Variants in TPR observed in about 807,000 individuals in gnomAD.
The protein encoded by TPR is nucleoprotein TPR.
A neutral mutation model predicts 316.1 loss-of-function variants in TPR; 51 were observed. The observed-to-expected ratio is 0.16, with a 90% CI of 0.13 to 0.20. The LOEUF (loss-of-function observed/expected upper bound fraction) is 0.20. Ranked by LOEUF, TPR falls within the 10% of genes least tolerant of loss-of-function variation. TPR has a pLI of 1.00. For synonymous variants in TPR, 981 were observed against 914.7 expected, an observed-to-expected ratio of 1.07 and a Z score of -1.31; for missense variants, 2,272 against 2,754.8, an observed-to-expected ratio of 0.82 and a Z score of 3.92.
rs761933423 is a variant in TPR at position 186,375,053 on chromosome 1, G to A, written c.-25C>T. ...TGTCGGTGGGGCCAGGGACCCCAGT[G>A]GCAGCGGCCGACGGGGTAGAAGCGG... is the stretch of plus-strand genomic sequence containing the variant. On this transcript the variant is annotated 5_prime_UTR_variant, in exon 1 of 51. Coordinates refer to ENST00000367478, the MANE Select transcript of TPR (RefSeq NM_003292.3). The A allele has an allele frequency of 2.5e-6, 4 of 1,613,612 alleles. No individual in the cohort carries two copies. In the African/African-American group the frequency reaches 5.3e-5, roughly 22 times the overall value.
Position 186,332,135 on chromosome 1 carries a change from G to A in TPR, c.5604+60C>T. 3.9e-6 allele frequency: 6 copies of A among 1,522,032 alleles called. No individual in the cohort carries two copies. In the South Asian group the frequency reaches 6.7e-5, roughly 17 times the overall value. The allele number at this position is 1,522,032 out of a possible 1,614,324, so 94.3% of individuals were successfully genotyped here. The stretch of plus-strand genomic sequence containing the variant: ...GGTTAATTTTCTTTAGGCTGTAGCT[G>A]AAAAGAGTACCTTAACTCTACTGGT... On this transcript the variant is annotated intron_variant, in intron 38 of 50. Coordinates refer to ENST00000367478, the MANE Select transcript of TPR (RefSeq NM_003292.3).
intron 36 of TPR, among the ~76,000 whole-genome samples, chr1:186,333,727 CAG>C (rs1214708570): frequency 6.6e-6 from 1 of 152,022 alleles, no homozygotes; most frequent in Non-Finnish European, 1.5e-5. Context: ...ATTGATATAA[CAG>C]ATAGTAAATT....
At position 186,333,362 on chromosome 1, in the gene TPR, G is replaced by A; in HGVS notation, c.5215C>T (p.Pro1739Ser). 14 of 1,613,430 alleles carry A rather than the reference G, an allele frequency of 8.7e-6. No individual in the cohort carries two copies. The highest frequency in any genetic ancestry group is 1.2e-5 in the Non-Finnish European group (14 of 1,179,590). Residue 1739 changes from proline to serine, a missense_variant, in exon 37 of 51, where the codon CCA becomes TCA. Pro to Ser is a moderately conservative substitution (Grantham distance 74, BLOSUM62 -1). Coordinates refer to ENST00000367478, the MANE Select transcript of TPR (RefSeq NM_003292.3). The stretch of plus-strand genomic sequence containing the variant: ...GATCCACTTGTGCTTCCAAAAACTG[G>A]AACATGTTCCACAGGCCCTTCTGAC... ...MQSEGPVEHV[P>S]VFGSTSGSVR... is the part of the protein sequence containing the mutation.
At chr1:186,322,830 T>C (rs1657809109) in intron 43 of TPR, 2 of 467,266 alleles carry the variant, frequency 4.3e-6, no homozygotes, top group South Asian at 2.6e-5. Flanking sequence ...TATTAACCAA[T>C]ACTTAAAACA....
rs556789304 is a variant in TPR, at chr1:186,346,272, G to A, written c.2959C>T (p.Arg987Cys). ...NKEKQVTEEV[R>C]KNIEVRLKES... Reference sequence around the variant, plus strand: ...TTTAAACGAACTTCAATATTCTTACGCACTTCTTCTGTCACCTTTACCATA... The same window carrying A: ...TTTAAACGAACTTCAATATTCTTACACACTTCTTCTGTCACCTTTACCATA... Residue 987 changes from arginine to cysteine, a missense_variant, in exon 23 of 51, where the codon CGT becomes TGT. By Grantham distance (180) the Arg-to-Cys change is radical. This residue lies in a region of TPR where 757 missense variants were observed against 859.8 expected (regional missense o/e 0.88). Coordinates refer to ENST00000367478, the MANE Select transcript of TPR (RefSeq NM_003292.3). The A allele has an allele frequency of 2.2e-5, 35 of 1,611,304 alleles. No homozygotes were observed. The highest frequency in any genetic ancestry group is 1.7e-4 in the Middle Eastern group (1 of 6,048).
intron 45 of TPR, among the ~76,000 whole-genome samples, chr1:186,321,175 G>A (rs964012045): frequency 6.6e-6 from 1 of 152,196 alleles, no homozygotes; most frequent in African/African-American, 2.4e-5. Flanking sequence ...GAAGGAAGGA[G>A]CTGAAATTGA....
rs1658716229 is a variant in TPR, at chr1:186,347,436, A to G, written c.2799T>C (p.Asp933=). The change falls in exon 22 of 51, where the codon GAT becomes GAC. Residue 933 remains aspartate, a synonymous_variant. Coordinates refer to ENST00000367478, the MANE Select transcript of TPR (RefSeq NM_003292.3). ...TGKGQPSNKE[D]VDDLVSQLRQ... ...TTAGCTGACTCACAAGATCATCCAC[A>G]TCTTCTTTGTTGCTAGGCTGACCTA... 2 of 1,613,894 alleles carry G rather than the reference A, an allele frequency of 1.2e-6. No individual in the cohort carries two copies. Among genetic ancestry groups the G allele is most frequent in the East Asian group, 2.2e-5 (1 of 44,844 alleles).
chr1:186,336,832 A>C (rs1658353545), intron 32 of TPR, 138 bp from the exon 33 acceptor site: 4 of 1,312,562 alleles, frequency 3.0e-6, no homozygotes, highest in Non-Finnish European at 4.2e-6. Context: ...AATGGTGGTC[A>C]GACCAACTAA....
rs573121685 is a variant in TPR, at chr1:186,335,740, T to G, written c.4706-197A>C. Among the ~76,000 whole-genome samples the G allele has an allele frequency of 7.9e-4, 120 of 152,204 alleles. 1 individual carries two copies. The highest frequency in any genetic ancestry group is 2.6e-3 in the African/African-American group (107 of 41,546). On this transcript the variant is annotated intron_variant, in intron 33 of 50. Coordinates refer to ENST00000367478, the MANE Select transcript of TPR (RefSeq NM_003292.3). ...CTTATTACTAGAATATAAAATATAC[T>G]TACTCCAACATAAAAATTTACTTTT... is the stretch of plus-strand genomic sequence containing the variant.
Position 186,351,552 on chromosome 1 carries a change from C to T in TPR, c.2470-82G>A, listed in dbSNP as rs1658861973. The T allele has an allele frequency of 2.8e-6, 4 of 1,414,938 alleles. No individual in the cohort carries two copies. In the Admixed American group the frequency reaches 8.0e-5, roughly 28 times the overall value. The allele number at this position is 1,414,938 out of a possible 1,614,324, so 87.6% of individuals were successfully genotyped here. A position where few individuals can be genotyped will look rare whatever the true frequency, so the allele number is the denominator to read the frequency against. ...AAAAATTGAAGGCAAGAAAGAATTA[C>T]AATATTACAACCCATTTCTACATGA... On this transcript the variant is annotated intron_variant, in intron 19 of 50. Transcript: ENST00000367478.
intron 42 of TPR, 84 bp from the exon 43 acceptor site, chr1:186,323,954 CA>C: frequency 7.4e-7 from 1 of 1,351,642 alleles, no homozygotes. Flanking sequence ...TAAATCTTGC[CA>C]ACAGGAATGT....
Position 186,360,817 on chromosome 1 carries a change from C to G in TPR, c.1047G>C (p.Leu349Phe), listed in dbSNP as rs1207630975. The change falls in exon 10 of 51, where the codon TTG becomes TTC. Residue 349 changes from leucine (L) to phenylalanine (F), a missense_variant. By Grantham distance (22) the Leu-to-Phe change is conservative. Transcript: ENST00000367478. Reference protein sequence around the residue: ...EKEMLEKIGRLEKELENANDL... With the variant: ...EKEMLEKIGRFEKELENANDL... ...CATTTGCATTCTCTAATTCCTTCTCCAATCTCCCTATTTTCTCAAGCATTT... is the reference window on the plus strand; with the variant it reads ...CATTTGCATTCTCTAATTCCTTCTCGAATCTCCCTATTTTCTCAAGCATTT... 6.2e-7 allele frequency: 1 copy of G among 1,612,778 alleles called. No individual in the cohort carries two copies. Among genetic ancestry groups the G allele is most frequent in the Non-Finnish European group, 8.5e-7 (1 of 1,179,270 alleles).
At chr1:186,353,534 A>G (rs1658936315) in intron 18 of TPR, among the ~76,000 whole-genome samples, 154 bp downstream of exon 18, 1 of 152,206 alleles carries the variant, frequency 6.6e-6, no homozygotes, top group Non-Finnish European at 1.5e-5. Context: ...ACTAACGCAC[A>G]CTGGCTATTT....
At chr1:186,318,949 T>C in intron 46 of TPR, 121 bp from the exon 47 acceptor site, 3 of 897,888 alleles carry the variant, frequency 3.3e-6, no homozygotes, top group Non-Finnish European at 1.7e-6. Flanking sequence ...AGTCCACGAT[T>C]TAATTATTCC....
intron 49 of TPR, among the ~76,000 whole-genome samples, chr1:186,315,227 AAC>A (rs142654709): frequency 7.3e-5 from 11 of 151,218 alleles, no homozygotes; most frequent in African/African-American, 2.2e-4. Context: ...CAAACAAACA[AAC>A]AAAAAAAAAA....
rs779803038 is a variant in TPR, at chr1:186,344,587, AATT to A, written c.3214-12_3214-10del. On this transcript the variant is annotated splice_polypyrimidine_tract_variant and intron_variant, in intron 24 of 50. Transcript: ENST00000367478. ...TCCACAGCTATTTTAGCCTATAAGA[AATT>A]ATTACCCAATTGATACCAAAGATTA... 7 of 1,498,940 alleles carry A rather than the reference AATT, an allele frequency of 4.7e-6. No individual in the cohort carries two copies. The African/African-American group carries it at 9.8e-5, about 21-fold the overall frequency. The allele number at this position is 1,498,940 out of a possible 1,614,324, so 92.9% of individuals were successfully genotyped here.
chr1:186,315,258 A>G (rs1362165969), intron 49 of TPR, among the ~76,000 whole-genome samples: 1 of 151,940 alleles, frequency 6.6e-6, no homozygotes, highest in East Asian at 1.9e-4. Context: ...AAAAACCAGA[A>G]GTGCTTGACT....
At chr1:186,327,138 T>A (rs1301536449) in intron 40 of TPR, among the ~76,000 whole-genome samples, 1 of 7,352 alleles carries the variant, frequency 1.4e-4, no homozygotes, top group East Asian at 6.4e-3. Flanking sequence ...ATATATATTA[T>A]ATATATAAAT....
chr1:186,365,114 T>TTTTTTTG (rs1558036794), intron 4 of TPR, among the ~76,000 whole-genome samples: 1 of 151,172 alleles, frequency 6.6e-6, no homozygotes. Context: ...TTTTTTTTTT[T>TTTTTTTG]GGAGACAGTC....
Sources: gnomAD v4.1 joint callset for allele counts (sites outside exome capture counted in the v4.1 genomes callset) on GRCh38, gnomAD v4.1.1 for gene constraint, gnomAD v4.1.1 regional missense constraint, MANE v1.5 for transcripts, NCBI Gene and HGNC (gene_info 2026-07-23, HGNC 2026-07-21) for gene names.